Variants in ABCF1 observed in about 807,000 individuals in gnomAD.
ABCF1 encodes the protein ATP binding cassette subfamily F member 1, also known as ATP-binding cassette sub-family F member 1.
Under a neutral mutation model 126.3 loss-of-function variants are expected in ABCF1, and 73 were observed. The ratio of observed to expected loss-of-function variants is 0.58; its 90% CI spans 0.48 to 0.70. ABCF1 has a LOEUF of 0.70. ABCF1 is among the 30% of genes least tolerant of loss of function. The pLI, the probability that ABCF1 is intolerant of heterozygous loss-of-function variation, is 0.00. For missense variants in ABCF1, 786 were observed against 1,057.5 expected (o/e 0.74, Z 3.56); for synonymous variants, 345 against 396.4 (o/e 0.87, Z 1.54).
chr6:30,576,338 A>T (rs1024884387), intron 1 of ABCF1, among the ~76,000 whole-genome samples: 1 of 118,806 alleles, frequency 8.4e-6, no homozygotes, highest in South Asian at 3.0e-4. Flanking sequence ...CCCAGGCTGC[A>T]GTACAATAGC....
intron 6 of ABCF1, 90 bp downstream of exon 6, chr6:30,578,667 C>T: frequency 8.9e-7 from 1 of 1,123,270 alleles, no homozygotes; most frequent in Non-Finnish European, 1.3e-6. Context: ...ACTAGCTCTT[C>T]TCGGTCTGTC....
chr6:30,573,767 C>CT (rs1801365715), intron 1 of ABCF1, among the ~76,000 whole-genome samples: 1 of 152,192 alleles, frequency 6.6e-6, no homozygotes, highest in African/African-American at 2.4e-5. Context: ...GTTTGAGGAG[C>CT]TAAGGGTTCA....
intron 24 of ABCF1, 28 bp from the exon 25 acceptor site, chr6:30,590,507 C>T (rs1173141175): frequency 1.3e-6 from 2 of 1,599,378 alleles, no homozygotes; most frequent in African/African-American, 2.7e-5. Context: ...TTCTTCCTGC[C>T]CTCTGTTGTT....
Position 30,586,267 on chromosome 6 carries a change from AC to A in ABCF1, c.1853del (p.Pro618HisfsTer13). 1 of 1,610,758 alleles carries A rather than the reference AC, an allele frequency of 6.2e-7. No homozygotes were observed. The highest frequency in any genetic ancestry group is 8.5e-7 in the Non-Finnish European group (1 of 1,178,604). ...TACACTGTGCGCTTCACTTTTCCAG[AC>A]CCCCCACCACTCAGCCCTCCAGTGC... ...KEYTVRFTFPDPPPLSPPVLG... is the reference protein window; with the variant it reads ...KEYTVRFTFPXPPPLSPPVLG... On this transcript the variant is annotated frameshift_variant, in exon 18 of 25. Coordinates refer to ENST00000326195, the MANE Select transcript of ABCF1 (RefSeq NM_001025091.2). LOFTEE classifies it high-confidence loss of function. This position sits in a 1 kb window ranked among gnomAD's most constrained non-coding sequence, Gnocchi z 4.9.
rs1439126441 is a variant in ABCF1, at chr6:30,578,499, G to A, written c.411G>A (p.Gln137=). 8.7e-6 allele frequency: 14 copies of A among 1,613,822 alleles called. No homozygotes were observed. The highest frequency in any genetic ancestry group is 1.1e-5 in the Non-Finnish European group (13 of 1,180,004). ...GTAATGTTTTTGCAGCCCTGATTCA[G>A]GATCAGAGTGAGGAAGAGGAGGAGG... ...KGGNVFAALI[Q]DQSEEEEEEE... The change falls in exon 6 of 25, where the codon CAG becomes CAA. Residue 137 remains glutamine, a synonymous_variant. Transcript: ENST00000326195.
intron 3 of ABCF1, 66 bp from the exon 4 acceptor site, chr6:30,578,010 T>C (rs1801593971): frequency 4.3e-6 from 7 of 1,613,582 alleles, no homozygotes; most frequent in Non-Finnish European, 5.9e-6. Flanking sequence ...TGGGGAACCC[T>C]CTGTGAGGCA....
intron 20 of ABCF1, 149 bp from the exon 21 acceptor site, chr6:30,589,539 G>T: frequency 1.2e-6 from 1 of 836,026 alleles, no homozygotes; most frequent in Non-Finnish European, 1.8e-6. Context: ...GAAGGTGGAG[G>T]TTGCAGTGAG....
Position 30,571,455 on chromosome 6 carries a change from G to T in ABCF1, c.-33G>T. 6.3e-7 allele frequency: 1 copy of T among 1,592,970 alleles called. No homozygotes were observed. Among genetic ancestry groups the T allele is most frequent in the East Asian group, 2.3e-5 (1 of 44,118 alleles). ...GCCGCCGGAAGCGGAAATAGCACCG[G>T]GCGCCGCCACAGTAGCTGTAACTGC... is the stretch of plus-strand genomic sequence containing the variant. On this transcript the variant is annotated 5_prime_UTR_variant, in exon 1 of 25. Transcript: ENST00000326195.
At position 30,590,745 on chromosome 6, in the gene ABCF1, CT is replaced by C. The variant is rs1802412743; in HGVS notation, c.*45del. 4 of 1,557,672 alleles carry C rather than the reference CT, an allele frequency of 2.6e-6. No individual in the cohort carries two copies. The highest frequency in any genetic ancestry group is 3.8e-5 in the Admixed American group (2 of 52,996). ...CTCCCGAGAGACATATTTGTGTGGC[CT>C]AGAAGTCCTCTGTGGTCTCCCCTCC... is the stretch of plus-strand genomic sequence containing the variant. On this transcript the variant is annotated 3_prime_UTR_variant, in exon 25 of 25. Coordinates refer to ENST00000326195, the MANE Select transcript of ABCF1 (RefSeq NM_001025091.2).
chr6:30,571,948 T>C (rs528554310), intron 1 of ABCF1, among the ~76,000 whole-genome samples: 2 of 152,180 alleles, frequency 1.3e-5, no homozygotes, highest in South Asian at 4.2e-4. Context: ...TACACACACC[T>C]TGGGAGCCTG....
chr6:30,579,878 G>T lies in ABCF1; in HGVS notation c.490-53G>T, dbSNP rs1194485304. The T allele has an allele frequency of 2.5e-6, 4 of 1,568,838 alleles. No individual in the cohort carries two copies. In the Admixed American group the frequency reaches 6.8e-5, roughly 27 times the overall value. ...CTAGAAATGCTTATTACACAGCAAA[G>T]TAGCACAATAATTTGTATGTATGTG... is the stretch of plus-strand genomic sequence containing the variant. On this transcript the variant is annotated intron_variant, in intron 6 of 24. Transcript: ENST00000326195.
rs1384832856 is a variant in ABCF1 at position 30,590,740 on chromosome 6, G to A, written c.*39G>A. 2.5e-6 allele frequency: 4 copies of A among 1,574,440 alleles called. No homozygotes were observed. The highest frequency in any genetic ancestry group is 2.4e-5 in the South Asian group (2 of 83,866). On this transcript the variant is annotated 3_prime_UTR_variant, in exon 25 of 25. Transcript: ENST00000326195. ...GAAGTCTCCCGAGAGACATATTTGT[G>A]TGGCCTAGAAGTCCTCTGTGGTCTC...
rs768108149 is a variant in ABCF1, at chr6:30,583,139, C to T, written c.866C>T (p.Ala289Val). 5.0e-6 allele frequency: 8 copies of T among 1,611,020 alleles called. No individual in the cohort carries two copies. Among genetic ancestry groups the T allele is most frequent in the African/African-American group, 1.3e-5 (1 of 74,874 alleles). The change falls in exon 10 of 25, where the codon GCG (alanine) becomes GTG (valine). Residue 289 changes from alanine (A) to valine (V), a missense_variant. Ala to Val is a moderately conservative substitution (Grantham distance 64). Coordinates refer to ENST00000326195, the MANE Select transcript of ABCF1 (RefSeq NM_001025091.2). The surrounding 1 kb of genome is among the most constrained non-coding windows in gnomAD (Gnocchi z 4.1). ...AAENDFSVSQ[A>V]EMSSRQAMLE... ...GAAAATGACTTCTCCGTGTCCCAGG[C>T]GGAGATGTCCTCCCGCCAAGCCATG...
rs763338312 is a variant in ABCF1, at chr6:30,585,308, C to T, written c.1440C>T (p.Asn480=). 1.4e-5 allele frequency: 23 copies of T among 1,613,576 alleles called. No individual in the cohort carries two copies. The Admixed American group carries it at 3.8e-4, about 27-fold the overall frequency. ...PTLLMLDEPT[N]HLDLNAVIWL... The stretch of plus-strand genomic sequence containing the variant: ...TGCTGATGCTGGATGAGCCCACCAA[C>T]CACCTGGACCTCAACGCTGTCATCT... Residue 480 remains asparagine (N), a synonymous_variant, in exon 15 of 25, where the codon AAC becomes AAT. Coordinates refer to ENST00000326195, the MANE Select transcript of ABCF1 (RefSeq NM_001025091.2).
In ABCF1 at chr6:30,584,039, G is replaced by A; in HGVS notation, c.1102+149G>A. 1.4e-6 allele frequency: 2 copies of A among 1,392,642 alleles called. No homozygotes were observed. The highest frequency in any genetic ancestry group is 2.0e-6 in the Non-Finnish European group (2 of 1,016,544). 86.3% of individuals were successfully genotyped at this position (1,392,642 alleles called of 1,614,324 possible). ...CGGGAAAGGGATGCTAAGGAAAGGA[G>A]GGGAGGGTCAATGAGGAACTTGAGA... On this transcript the variant is annotated intron_variant, in intron 12 of 24. Coordinates refer to ENST00000326195, the MANE Select transcript of ABCF1 (RefSeq NM_001025091.2). This position sits in a 1 kb window ranked among gnomAD's most constrained non-coding sequence, Gnocchi z 4.6.
chr6:30,580,614 C>T, intron 8 of ABCF1, 95 bp downstream of exon 8: 1 of 735,970 alleles, frequency 1.4e-6, no homozygotes. Context: ...GTTATTATCC[C>T]AGCAAACCTT....
At position 30,586,858 on chromosome 6, in the gene ABCF1, A is replaced by G. The variant is rs1802164997; in HGVS notation, c.2031+147A>G. On this transcript the variant is annotated intron_variant, in intron 20 of 24. Transcript: ENST00000326195. The surrounding 1 kb of genome is among the most constrained non-coding windows in gnomAD (Gnocchi z 4.9). ...GATTCATTTCCCTAAGAGGGGCAGTAGAGGAGGAAAGAGCTTAGATCAGTT... is the reference window on the plus strand; with the variant it reads ...GATTCATTTCCCTAAGAGGGGCAGTGGAGGAGGAAAGAGCTTAGATCAGTT... The G allele has an allele frequency of 1.1e-6, 1 of 881,162 alleles. No individual in the cohort carries two copies. 54.6% of individuals were successfully genotyped at this position (881,162 alleles called of 1,614,324 possible). A position where few individuals can be genotyped will look rare whatever the true frequency, so the allele number is the denominator to read the frequency against.
intron 6 of ABCF1, 121 bp downstream of exon 6, chr6:30,578,698 A>C: frequency 1.1e-6 from 1 of 940,002 alleles, no homozygotes; most frequent in Non-Finnish European, 1.6e-6. Context: ...TGTTAAAATC[A>C]TCTTTTTAGA....
chr6:30,584,144 G>T lies in ABCF1; in HGVS notation c.1103-48G>T. 6.3e-7 allele frequency: 1 copy of T among 1,579,640 alleles called. No homozygotes were observed. Among genetic ancestry groups the T allele is most frequent in the South Asian group, 1.2e-5 (1 of 86,616 alleles). Reference sequence around the variant, plus strand: ...TGTAATTGAAGGGAAAGAAAGATGAGACTCTTGGCTCTTGAGGCTGCCTGA... The same window carrying T: ...TGTAATTGAAGGGAAAGAAAGATGATACTCTTGGCTCTTGAGGCTGCCTGA... On this transcript the variant is annotated intron_variant, in intron 12 of 24. Transcript: ENST00000326195. The surrounding 1 kb of genome is among the most constrained non-coding windows in gnomAD (Gnocchi z 4.6).
Sources: gnomAD v4.1 joint callset for allele counts (sites outside exome capture counted in the v4.1 genomes callset) on GRCh38, gnomAD v4.1.1 for gene constraint, Gnocchi (gnomAD v3.1) non-coding constraint, MANE v1.5 for transcripts, NCBI Gene and HGNC (gene_info 2026-07-23, HGNC 2026-07-21) for gene names.